The following TEX11 variants were observed in gnomAD, a reference collection of about 807,000 sequenced individuals.
TEX11 encodes testis expressed 11.
TEX11 carries 7 observed loss-of-function variants against 84.4 expected under a neutral mutation model. That is an observed-to-expected ratio of 0.08 (90% CI 0.05 to 0.16). The LOEUF (loss-of-function observed/expected upper bound fraction) is 0.16, where lower values mean the gene tolerates loss of function less well. Ranked by LOEUF, TEX11 falls within the 10% of genes least tolerant of loss-of-function variation. The pLI, the probability that TEX11 is intolerant of heterozygous loss-of-function variation, is 1.00. For synonymous variants in TEX11, 264 were observed against 222.8 expected (o/e 1.18, Z -1.64); for missense variants, 551 against 660.5 (o/e 0.83, Z 1.82).
At position 70,564,866 on chromosome X, in the gene TEX11, C is replaced by T. The variant is rs759884276; in HGVS notation, c.2141-10066G>A. 3.0e-4 allele frequency among the ~76,000 whole-genome samples: 33 copies of T among 110,378 alleles called. No individual in the cohort carries two copies. In the South Asian group the frequency reaches 4.8e-3, roughly 16 times the overall value. On this transcript the variant is annotated intron_variant, in intron 25 of 29. Transcript: ENST00000374333. ...TGTGAATAGTGCCACAATAAACATACGTGTGCATGTGTCTTTATAGCAGCA... is the reference window on the plus strand; with the variant it reads ...TGTGAATAGTGCCACAATAAACATATGTGTGCATGTGTCTTTATAGCAGCA...
chrX:70,873,434 C>T (rs2091639620), intron 3 of TEX11, 127 bp from the exon 4 acceptor site: 1 of 466,242 alleles, frequency 2.1e-6, no homozygotes, highest in Non-Finnish European at 3.7e-6. Flanking sequence ...ATAATCTAGT[C>T]GCATTCTACC....
chrX:70,519,762 T>A, the TEX11 span, among the ~76,000 whole-genome samples: 1 of 111,854 alleles, frequency 8.9e-6, no homozygotes, highest in Non-Finnish European at 1.9e-5. Flanking sequence ...CAATCAAACG[T>A]AGATTTGGTT....
rs1196518155 is a variant in TEX11 at position 70,721,487 on chromosome X, G to T, written c.1004+1131C>A. On this transcript the variant is annotated intron_variant, in intron 13 of 29. Transcript: ENST00000374333. The stretch of plus-strand genomic sequence containing the variant: ...AACATGAAGGAAATTAGGTCATCTA[G>T]CTCTATAATTAGGTGGATTTATAAC... Among the ~76,000 whole-genome samples, 3 of 111,858 alleles carry T rather than the reference G, an allele frequency of 2.7e-5. No homozygotes were observed. In the Admixed American group the frequency reaches 2.9e-4, roughly 11 times the overall value.
At chrX:70,750,966 A>ATATATATATATAT (rs1411833714) in intron 9 of TEX11, among the ~76,000 whole-genome samples, 52 of 84,347 alleles carry the variant, frequency 6.2e-4, no homozygotes, top group Non-Finnish European at 9.6e-4. Context: ...ATATATATAT[A>ATATATATATATAT]AAAGTCAGGA....
At chrX:70,869,445 T>C (rs2091619107) in intron 4 of TEX11, among the ~76,000 whole-genome samples, 1 of 111,774 alleles carries the variant, frequency 8.9e-6, no homozygotes, top group African/African-American at 3.3e-5. Context: ...TCTCCTTAAA[T>C]GTCCACAATC....
At chrX:70,541,329 G>C in intron 28 of TEX11, among the ~76,000 whole-genome samples, 1 of 111,894 alleles carries the variant, frequency 8.9e-6, no homozygotes, top group South Asian at 3.8e-4. Flanking sequence ...AGGGTTTAAG[G>C]AGGAGCTGAG....
intron 4 of TEX11, among the ~76,000 whole-genome samples, chrX:70,867,688 A>G (rs1467984504): frequency 9.0e-6 from 1 of 110,948 alleles, no homozygotes; most frequent in Non-Finnish European, 1.9e-5. Flanking sequence ...ATATACACCA[A>G]TGGAACAGAA....
intron 25 of TEX11, among the ~76,000 whole-genome samples, chrX:70,591,177 TA>T: frequency 8.9e-6 from 1 of 112,361 alleles, no homozygotes; most frequent in South Asian, 3.7e-4. Flanking sequence ...AGATTGATAA[TA>T]TTATGTTAAA....
intron 2 of TEX11, among the ~76,000 whole-genome samples, chrX:70,891,768 G>A (rs2091739519): frequency 8.9e-6 from 1 of 112,140 alleles, no homozygotes; most frequent in African/African-American, 3.2e-5. Context: ...TGGTGTACCT[G>A]AAAGTGATGG....
At chrX:70,906,833 ATGT>A (rs2091836915) in intron 2 of TEX11, among the ~76,000 whole-genome samples, 2 of 112,031 alleles carry the variant, frequency 1.8e-5, no homozygotes, top group Non-Finnish European at 3.8e-5. Flanking sequence ...TATTAACAAA[ATGT>A]TGACCTAAAC....
intron 28 of TEX11, among the ~76,000 whole-genome samples, chrX:70,543,220 A>T (rs984479814): frequency 4.5e-5 from 5 of 111,907 alleles, no homozygotes; most frequent in Admixed American, 3.8e-4. Flanking sequence ...AATAAAAATT[A>T]AAAAATTAAA....
chrX:70,594,056 A>G (rs2088971115), intron 24 of TEX11, among the ~76,000 whole-genome samples: 1 of 111,812 alleles, frequency 8.9e-6, no homozygotes, highest in East Asian at 2.8e-4. Flanking sequence ...AAGAAACACA[A>G]AGATATCCAA....
intron 16 of TEX11, among the ~76,000 whole-genome samples, chrX:70,663,701 T>G (rs1278962005): frequency 8.9e-6 from 1 of 111,893 alleles, no homozygotes; most frequent in Non-Finnish European, 1.9e-5. Context: ...AAAGTGCATT[T>G]TCAACCTATG....
chrX:70,729,963 G>C (rs751000275), intron 11 of TEX11, among the ~76,000 whole-genome samples: 4 of 111,830 alleles, frequency 3.6e-5, no homozygotes, highest in East Asian at 5.6e-4. Context: ...CTGATCTCTC[G>C]GCAGAAACTC....
At position 70,536,786 on chromosome X, in the gene TEX11, T is replaced by A. The variant is rs764819552; in HGVS notation, c.2521-6787A>T. Among the ~76,000 whole-genome samples the A allele has an allele frequency of 3.3e-4, 37 of 112,496 alleles. 1 individual carries two copies. In the South Asian group the frequency reaches 0.014, roughly 41 times the overall value. ...CCTTGTTCTTTTACAAAAAATGTTT[T>A]GGTTCATTTTCTTTTAGGGAAGAAT... is the stretch of plus-strand genomic sequence containing the variant. On this transcript the variant is annotated intron_variant, in intron 28 of 29. Transcript: ENST00000374333.
At chrX:70,852,962 T>C in intron 7 of TEX11, 72 bp downstream of exon 7, 1 of 1,048,399 alleles carries the variant, frequency 9.5e-7, no homozygotes. Context: ...TCCAATAGGC[T>C]ATATATCATC....
intron 9 of TEX11, among the ~76,000 whole-genome samples, chrX:70,747,656 G>C (rs764378443): frequency 7.5e-4 from 84 of 111,662 alleles, no homozygotes; most frequent in Non-Finnish European, 1.3e-3. Context: ...TACGTCCAAA[G>C]AATTTTTTAA....
intron 3 of TEX11, among the ~76,000 whole-genome samples, chrX:70,877,932 A>C (rs2091663703): frequency 9.0e-6 from 1 of 111,199 alleles, no homozygotes. Context: ...ATAGAGTTTC[A>C]GTTTTGCAAG....
intron 7 of TEX11, among the ~76,000 whole-genome samples, chrX:70,848,508 G>A (rs2091490811): frequency 9.0e-6 from 1 of 111,141 alleles, no homozygotes; most frequent in African/African-American, 3.3e-5. Flanking sequence ...TGTAGCACTT[G>A]CCTGTACTGG....
Sources: gnomAD v4.1 joint callset for allele counts (sites outside exome capture counted in the v4.1 genomes callset) on GRCh38, gnomAD v4.1.1 for gene constraint, MANE v1.5 for transcripts, NCBI Gene and HGNC (gene_info 2026-07-23, HGNC 2026-07-21) for gene names.